Variants in CCSER1 observed in about 807,000 individuals in gnomAD.
CCSER1 encodes serine-rich coiled-coil domain-containing protein 1.
Under a neutral mutation model 82.0 loss-of-function variants are expected in CCSER1, and 41 were observed. The observed-to-expected ratio is 0.50, with a 90% CI of 0.39 to 0.65. The LOEUF (loss-of-function observed/expected upper bound fraction) is 0.65. CCSER1 is among the 30% of genes least tolerant of loss of function. CCSER1 has a pLI of 0.00. For synonymous variants in CCSER1, 414 were observed against 383.9 expected (o/e 1.08, Z -0.92); for missense variants, 1,119 against 1,064.2 (o/e 1.05, Z -0.72).
intron 10 of CCSER1, among the ~76,000 whole-genome samples, chr4:91,198,949 T>G (rs1735681462): frequency 6.6e-6 from 1 of 152,124 alleles, no homozygotes; most frequent in African/African-American, 2.4e-5. Flanking sequence ...CTATTCTGTT[T>G]TCCATTGGCT....
chr4:91,479,763 T>G (rs1362949141), intron 10 of CCSER1, among the ~76,000 whole-genome samples: 2 of 148,780 alleles, frequency 1.3e-5, no homozygotes, highest in Non-Finnish European at 3.0e-5. Flanking sequence ...TTATTATACT[T>G]TAAGTTTTAG....
chr4:90,265,999 G>A (rs76623838), intron 1 of CCSER1, among the ~76,000 whole-genome samples: 7,368 of 152,146 alleles, frequency 0.048, 465 homozygotes, highest in African/African-American at 0.15. Flanking sequence ...GCAGCAAGAT[G>A]TTTAACTGGG....
At chr4:91,068,893 T>G (rs1450961607) in intron 9 of CCSER1, among the ~76,000 whole-genome samples, 1 of 152,182 alleles carries the variant, frequency 6.6e-6, no homozygotes, top group African/African-American at 2.4e-5. Flanking sequence ...TTTAAAATTT[T>G]GATTTTTGGC....
At chr4:90,195,382 A>T (rs2153400149) in intron 1 of CCSER1, among the ~76,000 whole-genome samples, 1 of 152,260 alleles carries the variant, frequency 6.6e-6, no homozygotes, top group Non-Finnish European at 1.5e-5. Flanking sequence ...GATTTCAACT[A>T]TATGACAGTC....
At chr4:90,385,448 T>G (rs2153534457) in intron 3 of CCSER1, among the ~76,000 whole-genome samples, 1 of 134,260 alleles carries the variant, frequency 7.4e-6, no homozygotes, top group Admixed American at 7.4e-5. Context: ...GGAAAGATGG[T>G]GTCTCGGTGT....
At chr4:90,429,629 A>G (rs1012019252) in intron 4 of CCSER1, among the ~76,000 whole-genome samples, 2 of 151,894 alleles carry the variant, frequency 1.3e-5, no homozygotes, top group Non-Finnish European at 3.0e-5. Flanking sequence ...ACTTGGTGAC[A>G]GTGTTACGGA....
chr4:90,185,948 T>C (rs1220638089), intron 1 of CCSER1, among the ~76,000 whole-genome samples: 1 of 152,060 alleles, frequency 6.6e-6, no homozygotes, highest in Non-Finnish European at 1.5e-5. Context: ...GTGCGTTCAC[T>C]GAATTGAATT....
intron 10 of CCSER1, among the ~76,000 whole-genome samples, chr4:91,364,977 C>T (rs1439627097): frequency 6.6e-6 from 1 of 152,022 alleles, no homozygotes; most frequent in Non-Finnish European, 1.5e-5. Flanking sequence ...AACCTAGCCA[C>T]TGTAAAGTTA....
intron 1 of CCSER1, among the ~76,000 whole-genome samples, chr4:90,286,082 C>CGGCCT (rs1560949627): frequency 6.6e-6 from 1 of 151,818 alleles, no homozygotes; most frequent in African/African-American, 2.4e-5. Flanking sequence ...CTAGAGATAT[C>CGGCCT]GGCCTGCATT....
At chr4:91,081,781 A>C (rs530960270) in intron 9 of CCSER1, among the ~76,000 whole-genome samples, 1 of 152,316 alleles carries the variant, frequency 6.6e-6, no homozygotes, top group East Asian at 1.9e-4. Context: ...AGACAAACAG[A>C]GTGCCAAATT....
chr4:91,029,285 C>A (rs1740764887), intron 9 of CCSER1, among the ~76,000 whole-genome samples: 1 of 150,298 alleles, frequency 6.7e-6, no homozygotes. Context: ...TTTTTTTTTA[C>A]ATAAAAATAC....
chr4:90,750,525 A>C (rs1341285551), intron 7 of CCSER1, among the ~76,000 whole-genome samples: 3 of 152,042 alleles, frequency 2.0e-5, no homozygotes, highest in Admixed American at 6.6e-5. Context: ...TCTTGAGACT[A>C]TTTGCTTTCC....
Position 90,565,251 on chromosome 4 carries a change from T to A in CCSER1, c.1725-62774T>A, listed in dbSNP as rs569346280. 6.6e-5 allele frequency among the ~76,000 whole-genome samples: 10 copies of A among 151,650 alleles called. No individual in the cohort carries two copies. The South Asian group carries it at 1.0e-3, about 16-fold the overall frequency. On this transcript the variant is annotated intron_variant, in intron 5 of 10. Transcript: ENST00000509176. ...GATATTTTACCTCTTTGGTTAATTT[T>A]ACTCCTGAGTATTTTTTTGTAGGTA...
chr4:90,621,011 G>T (rs556993027), intron 5 of CCSER1, among the ~76,000 whole-genome samples: 1 of 152,118 alleles, frequency 6.6e-6, no homozygotes, highest in Admixed American at 6.6e-5. Flanking sequence ...TAGGGAGGGG[G>T]TTTCACCATG....
chr4:90,610,571 G>T (rs957727080), intron 5 of CCSER1, among the ~76,000 whole-genome samples: 1 of 152,050 alleles, frequency 6.6e-6, no homozygotes, highest in Non-Finnish European at 1.5e-5. Context: ...ATCTTCAGTT[G>T]CTAGAAAAGA....
intron 3 of CCSER1, among the ~76,000 whole-genome samples, chr4:90,316,434 A>T (rs1262871508): frequency 6.6e-6 from 1 of 152,208 alleles, no homozygotes; most frequent in Non-Finnish European, 1.5e-5. Flanking sequence ...AGCATTCTGT[A>T]AGAGATACAA....
At chr4:91,098,471 A>G (rs1231213470) in intron 10 of CCSER1, among the ~76,000 whole-genome samples, 1 of 152,160 alleles carries the variant, frequency 6.6e-6, no homozygotes, top group Non-Finnish European at 1.5e-5. Flanking sequence ...GAATCAGACT[A>G]CTTTAGGACT....
chr4:90,450,414 T>C (rs1761291465), intron 4 of CCSER1, among the ~76,000 whole-genome samples: 1 of 152,064 alleles, frequency 6.6e-6, no homozygotes, highest in Non-Finnish European at 1.5e-5. Flanking sequence ...GAAATAACTG[T>C]TTAGGGCTGT....
At chr4:90,856,925 G>A (rs538366594) in intron 8 of CCSER1, among the ~76,000 whole-genome samples, 13 of 149,354 alleles carry the variant, frequency 8.7e-5, no homozygotes, top group Non-Finnish European at 1.6e-4. Context: ...GGACTCATTC[G>A]GAGCTGGATT....
Sources: gnomAD v4.1 joint callset for allele counts (sites outside exome capture counted in the v4.1 genomes callset) on GRCh38, gnomAD v4.1.1 for gene constraint, MANE v1.5 for transcripts, NCBI Gene and HGNC (gene_info 2026-07-23, HGNC 2026-07-21) for gene names.